Variants in PPARGC1A observed in about 807,000 individuals in gnomAD.
PPARGC1A encodes peroxisome proliferator-activated receptor gamma coactivator 1-alpha.
Under a neutral mutation model 88.7 loss-of-function variants are expected in PPARGC1A, and 25 were observed. The ratio of observed to expected loss-of-function variants is 0.28; its 90% CI spans 0.21 to 0.39. The LOEUF is 0.39. PPARGC1A is among the 10% of genes least tolerant of loss of function. PPARGC1A has a pLI of 1.00. For synonymous variants in PPARGC1A, 363 were observed against 355.6 expected, an observed-to-expected ratio of 1.02 and a Z score of -0.24; for missense variants, 880 against 968.7, an observed-to-expected ratio of 0.91 and a Z score of 1.22.
the PPARGC1A span, among the ~76,000 whole-genome samples, chr4:24,220,638 A>G: frequency 2.0e-5 from 3 of 152,202 alleles, no homozygotes; most frequent in Admixed American, 6.5e-5. Flanking sequence ...AAATGAAATA[A>G]TGCACGTTCT....
At chr4:24,157,960 A>T in the PPARGC1A span, among the ~76,000 whole-genome samples, 1 of 152,020 alleles carries the variant, frequency 6.6e-6, no homozygotes, top group South Asian at 2.1e-4. Flanking sequence ...TACCCTTCCA[A>T]CACACACTGT....
At chr4:24,439,575 G>C in the PPARGC1A span, among the ~76,000 whole-genome samples, 5 of 152,278 alleles carry the variant, frequency 3.3e-5, no homozygotes, top group South Asian at 4.1e-4. Flanking sequence ...GTCATACCTA[G>C]GGACTATATG....
At chr4:24,121,771 T>C in the PPARGC1A span, among the ~76,000 whole-genome samples, 4 of 152,204 alleles carry the variant, frequency 2.6e-5, no homozygotes, top group Non-Finnish European at 4.4e-5. Context: ...CATATTTTCA[T>C]TACAAATAAG....
the PPARGC1A span, among the ~76,000 whole-genome samples, chr4:24,232,396 C>T: frequency 6.6e-6 from 1 of 152,212 alleles, no homozygotes; most frequent in Admixed American, 6.5e-5. Flanking sequence ...CAATTTGTGA[C>T]TCTATTAGCT....
chr4:24,049,371 A>G, the PPARGC1A span, among the ~76,000 whole-genome samples: 1 of 148,208 alleles, frequency 6.7e-6, no homozygotes, highest in Non-Finnish European at 1.5e-5. Flanking sequence ...GAAGTAGAGA[A>G]CCTGAGAAGG....
chr4:24,186,028 C>T, the PPARGC1A span, among the ~76,000 whole-genome samples: 1 of 152,090 alleles, frequency 6.6e-6, no homozygotes, highest in African/African-American at 2.4e-5. Context: ...TAATATTTGG[C>T]TACCCATGTA....
the PPARGC1A span, among the ~76,000 whole-genome samples, chr4:23,985,740 A>G: frequency 0.41 from 62,127 of 151,808 alleles, 12,906 homozygotes; most frequent in East Asian, 0.52. Flanking sequence ...CTATTTGATC[A>G]TCAAACTAAC....
the PPARGC1A span, among the ~76,000 whole-genome samples, chr4:24,426,754 T>C: frequency 2.0e-5 from 3 of 152,164 alleles, no homozygotes; most frequent in Admixed American, 1.3e-4. Context: ...CATGGATTTT[T>C]CCCTCTCTAG....
chr4:24,080,101 C>T, the PPARGC1A span, among the ~76,000 whole-genome samples: 8 of 151,866 alleles, frequency 5.3e-5, no homozygotes, highest in Non-Finnish European at 1.0e-4. Flanking sequence ...AACATGATTT[C>T]GATTAGAATT....
chr4:24,138,498 A>C, the PPARGC1A span, among the ~76,000 whole-genome samples: 1 of 152,228 alleles, frequency 6.6e-6, no homozygotes, highest in Non-Finnish European at 1.5e-5. Context: ...CTTCCTGTTC[A>C]CAAATCCTTG....
the PPARGC1A span, among the ~76,000 whole-genome samples, chr4:23,919,364 T>A: frequency 6.6e-6 from 1 of 152,066 alleles, no homozygotes; most frequent in South Asian, 2.1e-4. Context: ...TTTGGATCAA[T>A]GTATTAAAAT....
intron 2 of PPARGC1A, among the ~76,000 whole-genome samples, chr4:23,862,260 G>A (rs757677627): frequency 6.6e-6 from 1 of 152,238 alleles, no homozygotes; most frequent in Admixed American, 6.5e-5. Flanking sequence ...TCTGCTAGAT[G>A]TTTAGGTAGA....
the PPARGC1A span, among the ~76,000 whole-genome samples, chr4:23,991,875 G>T: frequency 6.6e-6 from 1 of 151,878 alleles, no homozygotes; most frequent in African/African-American, 2.4e-5. Flanking sequence ...GGAACGAAAA[G>T]AAAAAAATAG....
At chr4:24,105,236 C>T in the PPARGC1A span, among the ~76,000 whole-genome samples, 3 of 152,256 alleles carry the variant, frequency 2.0e-5, no homozygotes, top group East Asian at 5.8e-4. Flanking sequence ...ATGGTTTATC[C>T]CACGTTACAG....
the PPARGC1A span, among the ~76,000 whole-genome samples, chr4:24,258,855 T>C: frequency 2.0e-4 from 30 of 152,346 alleles, no homozygotes; most frequent in South Asian, 5.0e-3. Flanking sequence ...TCAGACCATT[T>C]ATTCATGCAT....
chr4:24,057,772 C>T, the PPARGC1A span, among the ~76,000 whole-genome samples: 2 of 152,192 alleles, frequency 1.3e-5, no homozygotes, highest in Admixed American at 1.3e-4. Flanking sequence ...AGATGAGCCT[C>T]TTTGGAAGCT....
the PPARGC1A span, among the ~76,000 whole-genome samples, chr4:23,933,997 A>G: frequency 6.6e-6 from 1 of 152,332 alleles, no homozygotes; most frequent in African/African-American, 2.4e-5. Flanking sequence ...GGGGCTAAGG[A>G]GATCCCTGGA....
the PPARGC1A span, among the ~76,000 whole-genome samples, chr4:23,926,557 C>T: frequency 1.3e-5 from 2 of 152,188 alleles, no homozygotes; most frequent in Non-Finnish European, 1.5e-5. Flanking sequence ...GCAGGAAGGT[C>T]TTCTCTGAGC....
At chr4:24,091,765 A>G in the PPARGC1A span, 1 of 373,280 alleles carries the variant, frequency 2.7e-6, no homozygotes, top group Non-Finnish European at 3.7e-6. Flanking sequence ...CAGCTCAGCC[A>G]TCAAGCGTCC....
Sources: gnomAD v4.1 joint callset for allele counts (sites outside exome capture counted in the v4.1 genomes callset) on GRCh38, gnomAD v4.1.1 for gene constraint, MANE v1.5 for transcripts, NCBI Gene and HGNC (gene_info 2026-07-23, HGNC 2026-07-21) for gene names.